Variants in TBATA observed in about 807,000 individuals in gnomAD.
TBATA encodes thymus, brain and testes associated, also known as protein TBATA.
In TBATA, 47 loss-of-function variants were observed where a neutral mutation model predicts 38.7. The ratio of observed to expected loss-of-function variants is 1.21; its 90% confidence interval spans 0.96 to 1.55. TBATA has a LOEUF of 1.55. Ranked by LOEUF, TBATA falls within the 40% of genes most tolerant of loss-of-function variation. The probability of loss-of-function intolerance (pLI) is 0.00; values close to 1 mark genes in which losing one functional copy is unlikely to be tolerated. For synonymous variants in TBATA, 183 were observed against 170.5 expected, an observed-to-expected ratio of 1.07 and a Z score of -0.57; for missense variants, 436 against 435.6, an observed-to-expected ratio of 1.00 and a Z score of -0.01.
intron 5 of TBATA, 40 bp downstream of exon 5, chr10:70,779,553 T>A (rs755192330): frequency 4.8e-6 from 7 of 1,444,278 alleles, no homozygotes; most frequent in Non-Finnish European, 6.4e-6. Flanking sequence ...GGGAGAGGCA[T>A]GAGCCCCAGG....
Position 70,777,205 on chromosome 10 carries a change from G to A in TBATA, c.641C>T (p.Ser214Phe). The A allele has an allele frequency of 1.2e-6, 2 of 1,613,494 alleles. No homozygotes were observed. Among genetic ancestry groups the A allele is most frequent in the Admixed American group, 1.7e-5 (1 of 60,020 alleles). Residue 214 changes from serine to phenylalanine, a missense_variant, in exon 7 of 11, where the codon TCC becomes TTC. Physicochemically the swap from Ser to Phe is radical, Grantham distance 155. Coordinates refer to ENST00000456372, the MANE Select transcript of TBATA (RefSeq NM_001318241.2). ...AGCCTGGACTCCTTCATGTCTGCTG[G>A]AAGACTGACTCTGCTGGCCCTGGTG... ...RSHQGQQSQSSSRHEGVQAFL... is the reference protein window; with the variant it reads ...RSHQGQQSQSFSRHEGVQAFL...
At chr10:70,780,482 GGTCCCCAGGTACCT>G (rs1305337715) in intron 4 of TBATA, among the ~76,000 whole-genome samples, 1 of 151,718 alleles carries the variant, frequency 6.6e-6, no homozygotes, top group African/African-American at 2.4e-5. Context: ...TTAATCCTGG[GGTCCCCAGGTACCT>G]GTCCCCAGGT....
intron 9 of TBATA, 62 bp downstream of exon 9, chr10:70,774,151 C>T: frequency 1.3e-6 from 2 of 1,592,318 alleles, no homozygotes; most frequent in Non-Finnish European, 1.7e-6. Context: ...TCTCCAGGTC[C>T]CACTGGCCTC....
At chr10:70,775,091 G>A (rs1843217050) in intron 8 of TBATA, 98 bp downstream of exon 8, 1 of 1,182,066 alleles carries the variant, frequency 8.5e-7, no homozygotes. Context: ...CCCCTCCAGG[G>A]TGGGAGCTGA....
chr10:70,773,807 C>G (rs1015945631), intron 9 of TBATA, among the ~76,000 whole-genome samples: 2 of 152,362 alleles, frequency 1.3e-5, no homozygotes, highest in South Asian at 2.1e-4. Flanking sequence ...AGGCCTCCCC[C>G]AGTTCGTAAT....
chr10:70,777,889 G>C, intron 6 of TBATA: 1 of 422,670 alleles, frequency 2.4e-6, no homozygotes, highest in Non-Finnish European at 4.7e-6. Context: ...AGAAAACAGA[G>C]ACCCAGACAG....
intron 7 of TBATA, chr10:70,776,520 A>T: frequency 4.9e-6 from 2 of 411,142 alleles, no homozygotes; most frequent in South Asian, 3.5e-5. Context: ...TGCTCTATCC[A>T]CTTTGCTGCA....
In TBATA at chr10:70,779,724, A is replaced by G. The variant is rs755104786; in HGVS notation, c.296T>C (p.Val99Ala). 5 of 1,536,620 alleles carry G rather than the reference A, an allele frequency of 3.3e-6. No homozygotes were observed. In the African/African-American group the frequency reaches 4.3e-5, roughly 13 times the overall value. ...THIQDLTGKP[V>A]CVVRDFPAPL... ...GGCTGGAAAATCCCTGACGACACAG[A>G]CAGGCTTCCCGGTGAGATCTGCAAA... is the stretch of plus-strand genomic sequence containing the variant. The change falls in exon 5 of 11, where the codon GTC (valine) becomes GCC (alanine). Residue 99 changes from valine to alanine, a missense_variant. Transcript: ENST00000456372.
intron 8 of TBATA, among the ~76,000 whole-genome samples, chr10:70,774,955 T>A (rs1451597917): frequency 6.6e-6 from 1 of 151,684 alleles, no homozygotes; most frequent in African/African-American, 2.4e-5. Flanking sequence ...GAAAGAGGGG[T>A]CCCCTCCAAG....
rs946529124 is a variant in TBATA, at chr10:70,777,143, G to A, written c.693+10C>T. On this transcript the variant is annotated intron_variant, in intron 7 of 10. Coordinates refer to ENST00000456372, the MANE Select transcript of TBATA (RefSeq NM_001318241.2). ...GAGCCAGGAGCCTGGGAGCAGAACT[G>A]GGCCCTCACCAGCAGCTCCTGATCC... The A allele has an allele frequency of 6.2e-7, 1 of 1,611,304 alleles. No homozygotes were observed. The highest frequency in any genetic ancestry group is 1.3e-5 in the African/African-American group (1 of 74,902).
Position 70,774,197 on chromosome 10 carries a change from G to C in TBATA, c.920+16C>G. 3.1e-6 allele frequency: 5 copies of C among 1,610,818 alleles called. No individual in the cohort carries two copies. Among genetic ancestry groups the C allele is most frequent in the Non-Finnish European group, 4.2e-6 (5 of 1,179,214 alleles). ...ACAGAAGGCTGCAGAAGGGCAGGGC[G>C]GGGTGCGGGGCCCACCTGCAGGGTG... On this transcript the variant is annotated intron_variant, in intron 9 of 10. Coordinates refer to ENST00000456372, the MANE Select transcript of TBATA (RefSeq NM_001318241.2).
chr10:70,773,679 A>G (rs1276202745), intron 9 of TBATA, among the ~76,000 whole-genome samples: 4 of 152,098 alleles, frequency 2.6e-5, no homozygotes, highest in Admixed American at 1.3e-4. Context: ...TGGAGCTAAT[A>G]CTGCCTCAGT....
At chr10:70,778,690 C>T (rs2132910813) in intron 5 of TBATA, 54 bp from the exon 6 acceptor site, 1 of 1,487,656 alleles carries the variant, frequency 6.7e-7, no homozygotes, top group Non-Finnish European at 9.4e-7. Context: ...CTCCTCCCCT[C>T]CCTGTGCCAC....
intron 10 of TBATA, 66 bp downstream of exon 10, chr10:70,772,448 C>T: frequency 6.7e-7 from 1 of 1,498,204 alleles, no homozygotes; most frequent in Non-Finnish European, 9.3e-7. Flanking sequence ...ACTGGAATCC[C>T]CTGAGAAATC....
intron 7 of TBATA, 21 bp from the exon 8 acceptor site, chr10:70,775,291 C>A: frequency 1.2e-6 from 2 of 1,606,216 alleles, no homozygotes; most frequent in South Asian, 2.2e-5. Context: ...GAGGCCAGCA[C>A]ATTCCAGCCA....
chr10:70,782,809 T>G (rs138182632), intron 3 of TBATA, among the ~76,000 whole-genome samples: 13 of 152,306 alleles, frequency 8.5e-5, no homozygotes, highest in Admixed American at 7.8e-4. Context: ...TGGGACCACC[T>G]GCCTGATCGC....
chr10:70,777,305 G>A lies in TBATA; in HGVS notation c.541C>T (p.Gln181Ter), dbSNP rs751905884. Residue 181 changes from glutamine to a stop codon, truncating the protein, a stop_gained, in exon 7 of 11, where the codon CAG becomes TAG. Coordinates refer to ENST00000456372, the MANE Select transcript of TBATA (RefSeq NM_001318241.2). LOFTEE classifies it high-confidence loss of function. ...GTCTCTGCTGAGTACTTTGCCCCCT[G>A]CTCCCGCAGAGGCTCCTCCTTCTGC... is the stretch of plus-strand genomic sequence containing the variant. ...KEQKEEPLREQGAKYSAETGR... is the reference protein window; with the variant it reads ...KEQKEEPLRE The A allele has an allele frequency of 5.0e-6, 8 of 1,613,530 alleles. No homozygotes were observed. The highest frequency in any genetic ancestry group is 5.9e-6 in the Non-Finnish European group (7 of 1,179,910).
chr10:70,783,565 AT>A (rs1178565871), intron 2 of TBATA, 40 bp from the exon 3 acceptor site: 2 of 618,120 alleles, frequency 3.2e-6, no homozygotes, highest in Non-Finnish European at 5.7e-6. Context: ...AAAATTGAGC[AT>A]TTGCATGCTG....
In TBATA at chr10:70,779,696, G is replaced by A. The variant is rs769812544; in HGVS notation, c.324C>T (p.Pro108=). The change falls in exon 5 of 11, where the codon CCC becomes CCT. Residue 108 remains proline, a synonymous_variant. Transcript: ENST00000456372. ...CGGAAAAGACAGTTGACTCAGGCAA[G>A]GGGGCTGGAAAATCCCTGACGACAC... ...PVCVVRDFPA[P]LPESTVFSGC... is the part of the protein sequence containing the mutation. The A allele has an allele frequency of 4.5e-6, 7 of 1,540,342 alleles. No individual in the cohort carries two copies. Among genetic ancestry groups the A allele is most frequent in the Non-Finnish European group, 5.2e-6 (6 of 1,152,544 alleles).
Sources: allele counts gnomAD v4.1 joint callset (sites outside exome capture counted in the v4.1 genomes callset), GRCh38; gene constraint gnomAD v4.1.1; transcripts MANE v1.5; gene names NCBI Gene and HGNC (gene_info 2026-07-23, HGNC 2026-07-21).